Variants in RPS24 observed in about 807,000 individuals in gnomAD.
RPS24 encodes the protein ribosomal protein S24.
For missense variants in RPS24, 100 were observed against 162.5 expected (o/e 0.62, Z 2.09); for synonymous variants, 72 against 55.6 (o/e 1.30, Z -1.31).
intron 1 of RPS24, chr10:78,034,182 TA>T: frequency 4.0e-6 from 1 of 247,002 alleles, no homozygotes; most frequent in Non-Finnish European, 6.8e-6. Context: ...TGGATGGGGG[TA>T]GGGGGCGGGC....
At chr10:78,047,965 C>T (rs1848062687) in intron 4 of RPS24, among the ~76,000 whole-genome samples, 1 of 152,228 alleles carries the variant, frequency 6.6e-6, no homozygotes, top group Admixed American at 6.5e-5. Context: ...GGCAAGACCC[C>T]TTTCTCCTCT....
intron 3 of RPS24, 62 bp downstream of exon 3, chr10:78,035,782 T>C: frequency 7.3e-7 from 1 of 1,378,932 alleles, no homozygotes; most frequent in Non-Finnish European, 1.0e-6. Context: ...AGCGTTGTGT[T>C]GTGAGTGTGG....
chr10:78,055,027 G>T, exon 5 of RPS24: 3 of 1,456,446 alleles, frequency 2.1e-6, no homozygotes, highest in Non-Finnish European at 2.7e-6. Context: ...TGCCATGGCC[G>T]CCTTGCTGCA....
chr10:78,050,996 G>A (rs1474726989), intron 4 of RPS24, among the ~76,000 whole-genome samples: 1 of 144,644 alleles, frequency 6.9e-6, no homozygotes, highest in African/African-American at 2.4e-5. Context: ...TTCGAGACCA[G>A]CATGGCCAAC....
At chr10:78,054,798 G>A (rs1391922246) in exon 5 of RPS24, 1 of 1,551,676 alleles carries the variant, frequency 6.4e-7, no homozygotes, top group Non-Finnish European at 8.7e-7. Flanking sequence ...CAGAAACGGA[G>A]CCTTCATGTC....
chr10:78,037,925 T>G (rs1847909343), intron 4 of RPS24: 7 of 841,004 alleles, frequency 8.3e-6, no homozygotes, highest in South Asian at 1.7e-5. Flanking sequence ...TTTTTTTTTT[T>G]GCTTTTCCTC....
intron 1 of RPS24, among the ~76,000 whole-genome samples, chr10:78,034,718 G>A (rs969030747): frequency 3.9e-5 from 6 of 152,332 alleles, no homozygotes; most frequent in Admixed American, 3.3e-4. Context: ...CTTCAGAAGG[G>A]AATATCGTTT....
At chr10:78,053,624 C>T (rs998437541) in intron 4 of RPS24, among the ~76,000 whole-genome samples, 4 of 152,176 alleles carry the variant, frequency 2.6e-5, no homozygotes, top group African/African-American at 9.6e-5. Flanking sequence ...ACCTCTTTGG[C>T]TTCTTCAGCT....
chr10:78,047,996 G>A (rs550848642), intron 4 of RPS24, among the ~76,000 whole-genome samples: 50 of 152,292 alleles, frequency 3.3e-4, no homozygotes, highest in Non-Finnish European at 6.3e-4. Context: ...TTCCTACACT[G>A]TAGGATGAGA....
chr10:78,035,823 A>G (rs1342879270), intron 3 of RPS24, 103 bp downstream of exon 3: 9 of 925,372 alleles, frequency 9.7e-6, no homozygotes, highest in South Asian at 1.3e-5. Context: ...AATCTGGGAT[A>G]CAACTCTGAA....
At chr10:78,043,996 C>A (rs1236231650), downstream of RPS24, among the ~76,000 whole-genome samples, 1 of 152,102 alleles carries the variant, frequency 6.6e-6, no homozygotes, top group African/African-American at 2.4e-5. Context: ...TATCTCCCAT[C>A]AAGAATGTGA....
At chr10:78,054,069 G>A (rs531115347) in intron 4 of RPS24, among the ~76,000 whole-genome samples, 1 of 152,124 alleles carries the variant, frequency 6.6e-6, no homozygotes, top group Non-Finnish European at 1.5e-5. Context: ...AGCTTTCCCA[G>A]GGTATGGGGG....
At chr10:78,042,653 CCCTT>C (rs1312592659), downstream of RPS24, among the ~76,000 whole-genome samples, 4 of 152,158 alleles carry the variant, frequency 2.6e-5, no homozygotes, top group Non-Finnish European at 5.9e-5. Context: ...GGGAGCACAT[CCCTT>C]CCTTCAGCTT....
exon 5 of RPS24, chr10:78,054,559 C>A (rs1473238723): frequency 6.5e-7 from 1 of 1,546,628 alleles, no homozygotes; most frequent in Admixed American, 2.0e-5. Context: ...GGAGTGCAAG[C>A]ATTGGGAAGA....
exon 5 of RPS24, chr10:78,054,888 G>A: frequency 1.3e-6 from 2 of 1,544,884 alleles, no homozygotes; most frequent in Non-Finnish European, 1.8e-6. Flanking sequence ...AGCCTTGTCA[G>A]CAACCTTGAC....
chr10:78,035,244 A>G lies in RPS24; in HGVS notation c.4-108A>G, dbSNP rs565670912. 9.9e-6 allele frequency: 11 copies of G among 1,113,030 alleles called. No homozygotes were observed. In the Admixed American group the frequency reaches 1.2e-4, roughly 12 times the overall value. 68.9% of individuals were successfully genotyped at this position (1,113,030 alleles called of 1,614,324 possible). ...GGTTTTATTTACTTTAGTTCGCTACATGACTAATGGCTACAAATTGGACTG... is the reference window on the plus strand; with the variant it reads ...GGTTTTATTTACTTTAGTTCGCTACGTGACTAATGGCTACAAATTGGACTG... On this transcript the variant is annotated intron_variant, in intron 1 of 5. Coordinates refer to ENST00000372360, the MANE Select transcript of RPS24 (RefSeq NM_033022.4).
downstream of RPS24, among the ~76,000 whole-genome samples, chr10:78,043,229 T>C (rs1848005891): frequency 6.6e-6 from 1 of 152,146 alleles, no homozygotes; most frequent in Admixed American, 6.5e-5. Context: ...GGTCTCGATC[T>C]CCTGACCTTG....
chr10:78,044,175 C>G (rs1848017994), downstream of RPS24, among the ~76,000 whole-genome samples: 1 of 151,942 alleles, frequency 6.6e-6, no homozygotes, highest in African/African-American at 2.4e-5. Flanking sequence ...AACGTTTGCC[C>G]CATGGATAAG....
chr10:78,056,254 C>T (rs1388274711), exon 5 of RPS24: 1 of 152,214 alleles, frequency 6.6e-6, no homozygotes, highest in Non-Finnish European at 1.5e-5. Context: ...AAGATGGCTC[C>T]TGTCCTAGGG....
Sources: gnomAD v4.1 joint callset for allele counts (sites outside exome capture counted in the v4.1 genomes callset) on GRCh38, gnomAD v4.1.1 for gene constraint, MANE v1.5 for transcripts, NCBI Gene and HGNC (gene_info 2026-07-23, HGNC 2026-07-21) for gene names.